CD3G: variants seen among roughly 807,000 people sequenced by gnomAD.
CD3G encodes T-cell surface glycoprotein CD3 gamma chain.
A neutral mutation model predicts 28.3 loss-of-function variants in CD3G; 24 were observed. The ratio of observed to expected loss-of-function variants is 0.85; its 90% CI spans 0.61 to 1.19. The LOEUF is 1.19. Among genes scored for constraint, CD3G ranks in the 50% most tolerant of loss-of-function variants. The pLI is 0.00. For synonymous variants in CD3G, 71 were observed against 75.9 expected, an observed-to-expected ratio of 0.93 and a Z score of 0.34; for missense variants, 211 against 210.0, an observed-to-expected ratio of 1.00 and a Z score of -0.03.
Position 118,349,252 on chromosome 11 carries a change from G to A in CD3G, c.79+202G>A, listed in dbSNP as rs1948383590. 3 of 1,494,532 alleles carry A rather than the reference G, an allele frequency of 2.0e-6. No homozygotes were observed. The African/African-American group carries it at 4.2e-5, about 21-fold the overall frequency. 92.6% of individuals were successfully genotyped at this position (1,494,532 alleles called of 1,614,324 possible). On this transcript the variant is annotated intron_variant, in intron 2 of 6. Coordinates refer to ENST00000532917, the MANE Select transcript of CD3G (RefSeq NM_000073.3). ...CTTGCCTGTAGCTAAGCATTTAACT[G>A]GTCTCTTACAGGAGAAGCAGGACCC... is the stretch of plus-strand genomic sequence containing the variant.
intron 2 of CD3G, 89 bp downstream of exon 2, chr11:118,349,139 G>C: frequency 6.2e-7 from 1 of 1,613,034 alleles, no homozygotes; most frequent in Non-Finnish European, 8.5e-7. Flanking sequence ...GGAGCGAACA[G>C]TTTAGAATGA....
In CD3G at chr11:118,352,499, A is replaced by C. The variant is rs1020801738; in HGVS notation, c.*18+12A>C. The C allele has an allele frequency of 6.4e-7, 1 of 1,567,516 alleles. No homozygotes were observed. Among genetic ancestry groups the C allele is most frequent in the African/African-American group, 1.3e-5 (1 of 74,112 alleles). On this transcript the variant is annotated intron_variant, in intron 6 of 6. Coordinates refer to ENST00000532917, the MANE Select transcript of CD3G (RefSeq NM_000073.3). Reference sequence around the variant, plus strand: ...AGGACTCAGAGTAGGTGGGTTCTTCAATGCCAATTCTAATAAAGGACCCTT... The same window carrying C: ...AGGACTCAGAGTAGGTGGGTTCTTCCATGCCAATTCTAATAAAGGACCCTT...
chr11:118,350,013 T>C, intron 3 of CD3G, 43 bp downstream of exon 3: 1 of 1,501,560 alleles, frequency 6.7e-7, no homozygotes, highest in Non-Finnish European at 9.3e-7. Context: ...AATTAATCAG[T>C]ATTTGCTGTT....
At chr11:118,349,298 C>T (rs1948383963) in intron 2 of CD3G, 25 of 1,418,278 alleles carry the variant, frequency 1.8e-5, no homozygotes, top group Non-Finnish European at 2.3e-5. Context: ...GGACACATCT[C>T]AAACTGTGAC....
In CD3G at chr11:118,353,553, G is replaced by A. The variant is rs45477194; in HGVS notation, c.*453G>A. On this transcript the variant is annotated 3_prime_UTR_variant, in exon 7 of 7. Coordinates refer to ENST00000532917, the MANE Select transcript of CD3G (RefSeq NM_000073.3). The stretch of plus-strand genomic sequence containing the variant: ...TTTTTTTTTTTTTTTTTTTTTTTGA[G>A]ACAGTCTGGCTCTGTCACCCAGGCT... 3.6e-4 allele frequency: 37 copies of A among 101,700 alleles called. No homozygotes were observed. The highest frequency in any genetic ancestry group is 1.2e-3 in the African/African-American group (34 of 27,224). The allele number at this position is 101,700 out of a possible 1,614,324, so 6.3% of individuals were successfully genotyped here. A position where few individuals can be genotyped will look rare whatever the true frequency, so the allele number is the denominator to read the frequency against.
intron 1 of CD3G, among the ~76,000 whole-genome samples, chr11:118,346,436 C>CA (rs1466311803): frequency 2.7e-5 from 4 of 148,826 alleles, no homozygotes; most frequent in Non-Finnish European, 5.9e-5. Flanking sequence ...GACTCCGTCT[C>CA]AAAAAACAAA....
chr11:118,354,385 C>T lies in CD3G; in HGVS notation c.*1285C>T, dbSNP rs1948433754. On this transcript the variant is annotated 3_prime_UTR_variant, in exon 7 of 7. Transcript: ENST00000532917. The stretch of plus-strand genomic sequence containing the variant: ...TGGCGCGATCTCAGCTCACTGCAAC[C>T]TCCACCTCCTGGGTTCAAGCGATTC... 6.6e-6 allele frequency: 1 copy of T among 150,424 alleles called. No homozygotes were observed. Among genetic ancestry groups the T allele is most frequent in the Non-Finnish European group, 1.5e-5 (1 of 67,900 alleles). The allele number at this position is 150,424 out of a possible 1,614,324, so 9.3% of individuals were successfully genotyped here.
Position 118,348,050 on chromosome 11 carries a change from A to G in CD3G, c.56-977A>G, listed in dbSNP as rs543203847. On this transcript the variant is annotated intron_variant, in intron 1 of 6. Coordinates refer to ENST00000532917, the MANE Select transcript of CD3G (RefSeq NM_000073.3). ...AAGGAACTCAGCCTAAAGGTTTTGG[A>G]TAGTGCACACCCACTCCTTGCCAGG... 2.0e-5 allele frequency among the ~76,000 whole-genome samples: 3 copies of G among 152,306 alleles called. No individual in the cohort carries two copies. In the South Asian group the frequency reaches 6.2e-4, roughly 32 times the overall value.
intron 2 of CD3G, 98 bp from the exon 3 acceptor site, chr11:118,349,645 G>T: frequency 1.0e-6 from 1 of 960,256 alleles, no homozygotes; most frequent in East Asian, 2.5e-5. Flanking sequence ...GCACATCAAA[G>T]TTTGAGAAAC....
intron 1 of CD3G, among the ~76,000 whole-genome samples, chr11:118,347,780 G>A (rs901676703): frequency 7.2e-5 from 11 of 152,070 alleles, no homozygotes; most frequent in Admixed American, 4.6e-4. Flanking sequence ...CACCATGCCC[G>A]GCTAATTTTT....
intron 1 of CD3G, among the ~76,000 whole-genome samples, chr11:118,345,606 CTT>C (rs1948348273): frequency 6.6e-6 from 1 of 152,050 alleles, no homozygotes; most frequent in South Asian, 2.1e-4. Context: ...GTGAGAGAAA[CTT>C]GAGCACATTT....
Position 118,349,877 on chromosome 11 carries a change from T to C in CD3G, c.214T>C (p.Trp72Arg), listed in dbSNP as rs1169220578. The C allele has an allele frequency of 6.2e-7, 1 of 1,613,646 alleles. No homozygotes were observed. Among genetic ancestry groups the C allele is most frequent in the Non-Finnish European group, 8.5e-7 (1 of 1,179,890 alleles). The change falls in exon 3 of 7, where the codon TGG (tryptophan) becomes CGG (arginine). Residue 72 changes from tryptophan (W) to arginine (R), a missense_variant. Transcript: ENST00000532917. ...CTTCCTAACTGAAGATAAAAAAAAATGGAATCTGGGAAGTAATGCCAAGGA... is the reference window on the plus strand; with the variant it reads ...CTTCCTAACTGAAGATAAAAAAAAACGGAATCTGGGAAGTAATGCCAAGGA... ...IGFLTEDKKKWNLGSNAKDPR... is the reference protein window; with the variant it reads ...IGFLTEDKKKRNLGSNAKDPR...
intron 6 of CD3G, 72 bp downstream of exon 6, chr11:118,352,559 G>A: frequency 1.9e-6 from 2 of 1,026,412 alleles, no homozygotes; most frequent in Non-Finnish European, 3.1e-6. Flanking sequence ...TCTAAGTCTA[G>A]CTCCCTTCCC....
chr11:118,349,990 C>T lies in CD3G; in HGVS notation c.307+20C>T. On this transcript the variant is annotated intron_variant, in intron 3 of 6. Transcript: ENST00000532917. ...ACAGAAGTATGTAATCCCCTTTGGT[C>T]TGTTTGTTGTGAAATTAATCAGTAT... 1.9e-6 allele frequency: 3 copies of T among 1,587,044 alleles called. No homozygotes were observed. Among genetic ancestry groups the T allele is most frequent in the Non-Finnish European group, 2.6e-6 (3 of 1,156,168 alleles).
At position 118,351,655 on chromosome 11, in the gene CD3G, A is replaced by G. The variant is rs772803529; in HGVS notation, c.467A>G (p.Asn156Ser). 16 of 1,613,938 alleles carry G rather than the reference A, an allele frequency of 9.9e-6. No homozygotes were observed. Among genetic ancestry groups the G allele is most frequent in the African/African-American group, 6.7e-5 (5 of 74,912 alleles). The change falls in exon 5 of 7, where the codon AAT (asparagine) becomes AGT (serine). Residue 156 changes from asparagine (N) to serine (S), a missense_variant. Physicochemically the swap from Asn to Ser is conservative, Grantham distance 46. Transcript: ENST00000532917. ...RASDKQTLLPNDQLYQPLKDR... is the reference protein window; with the variant it reads ...RASDKQTLLPSDQLYQPLKDR... ...TCAGACAAGCAGACTCTGTTGCCCA[A>G]TGACCAGCTCTACCAGGTAAGGGGA...
intron 4 of CD3G, 42 bp from the exon 5 acceptor site, chr11:118,351,586 A>G (rs942558656): frequency 1.2e-6 from 2 of 1,603,746 alleles, no homozygotes; most frequent in East Asian, 4.5e-5. Flanking sequence ...CCAATTTATT[A>G]TGCATTCTAC....
rs1005991795 is a variant in CD3G at position 118,355,139 on chromosome 11, C to CA, written c.*2042dup. The CA allele has an allele frequency of 6.6e-6, 1 of 151,644 alleles. No individual in the cohort carries two copies. Among genetic ancestry groups the CA allele is most frequent in the African/African-American group, 2.4e-5 (1 of 41,266 alleles). The allele number at this position is 151,644 out of a possible 1,614,324, so 9.4% of individuals were successfully genotyped here. ...TACATAAGACTATTTGTAACAAACACAAATAAATTGAATTGTTGGGCACTT... is the reference window on the plus strand; with the variant it reads ...TACATAAGACTATTTGTAACAAACACAAAATAAATTGAATTGTTGGGCACTT... On this transcript the variant is annotated 3_prime_UTR_variant, in exon 7 of 7. Coordinates refer to ENST00000532917, the MANE Select transcript of CD3G (RefSeq NM_000073.3).
chr11:118,349,331 G>A (rs960270203), intron 2 of CD3G: 41 of 1,352,868 alleles, frequency 3.0e-5, no homozygotes, highest in East Asian at 8.6e-5. Flanking sequence ...AGGTATTGGC[G>A]TCACCTGGGA....
At position 118,354,185 on chromosome 11, in the gene CD3G, CCA is replaced by C; in HGVS notation, c.*1086_*1087del. On this transcript the variant is annotated 3_prime_UTR_variant, in exon 7 of 7. Coordinates refer to ENST00000532917, the MANE Select transcript of CD3G (RefSeq NM_000073.3). ...ATAATGTACATGCCATAAAATCCAC[CCA>C]TCTTAAGTGATTTCACCTGTTCTCA... is the stretch of plus-strand genomic sequence containing the variant. 2 of 152,140 alleles carry C rather than the reference CCA, an allele frequency of 1.3e-5. No homozygotes were observed. Among genetic ancestry groups the C allele is most frequent in the South Asian group, 4.2e-4 (2 of 4,812 alleles). 9.4% of individuals were successfully genotyped at this position (152,140 alleles called of 1,614,324 possible).
Sources: allele counts gnomAD v4.1 joint callset (sites outside exome capture counted in the v4.1 genomes callset), GRCh38; gene constraint gnomAD v4.1.1; transcripts MANE v1.5; gene names NCBI Gene and HGNC (gene_info 2026-07-23, HGNC 2026-07-21).